Variants in SGMS1 observed in about 807,000 individuals in gnomAD.
SGMS1 encodes phosphatidylcholine:ceramide cholinephosphotransferase 1.
A neutral mutation model predicts 46.2 loss-of-function variants in SGMS1; 13 were observed. The observed-to-expected ratio is 0.28, with a 90% confidence interval of 0.18 to 0.45. SGMS1 has a LOEUF of 0.45. SGMS1 is among the 20% of genes least tolerant of loss of function. SGMS1 has a pLI of 1.00. For synonymous variants in SGMS1, 203 were observed against 187.8 expected (o/e 1.08, Z -0.66); for missense variants, 324 against 519.9 (o/e 0.62, Z 3.66).
chr10:50,612,213 C>T (rs1315320556), intron 1 of SGMS1, among the ~76,000 whole-genome samples: 1 of 152,262 alleles, frequency 6.6e-6, no homozygotes, highest in Non-Finnish European at 1.5e-5. Context: ...GGATCCTCCA[C>T]CCCTTAACCT....
At chr10:50,596,354 T>C (rs944278597) in intron 1 of SGMS1, among the ~76,000 whole-genome samples, 1 of 152,218 alleles carries the variant, frequency 6.6e-6, no homozygotes, top group Non-Finnish European at 1.5e-5. Flanking sequence ...TTTTTTGTAT[T>C]TTCAGTAGAG....
Position 50,548,464 on chromosome 10 carries a change from G to A in SGMS1, c.-588-28543C>T, listed in dbSNP as rs1010994263. Among the ~76,000 whole-genome samples, 3 of 152,182 alleles carry A rather than the reference G, an allele frequency of 2.0e-5. No individual in the cohort carries two copies. In the East Asian group the frequency reaches 5.8e-4, roughly 29 times the overall value. Reference sequence around the variant, plus strand: ...TGACAAAAACAAGCAATGGGGAAATGATTCCCTATTTAATAAATGGTGCTG... The same window carrying A: ...TGACAAAAACAAGCAATGGGGAAATAATTCCCTATTTAATAAATGGTGCTG... On this transcript the variant is annotated intron_variant, in intron 2 of 10. Transcript: ENST00000361781.
At chr10:50,563,246 G>T (rs1430621932) in intron 2 of SGMS1, among the ~76,000 whole-genome samples, 3 of 152,182 alleles carry the variant, frequency 2.0e-5, no homozygotes, top group African/African-American at 7.2e-5. Context: ...ATAGACAGGT[G>T]GGAAGGACGA....
At chr10:50,578,862 C>T (rs574877397) in intron 2 of SGMS1, among the ~76,000 whole-genome samples, 2 of 152,260 alleles carry the variant, frequency 1.3e-5, no homozygotes, top group African/African-American at 4.8e-5. Context: ...AAATGTTAAG[C>T]TTTTTAAAGC....
At chr10:50,488,162 C>A (rs1025746773) in intron 3 of SGMS1, among the ~76,000 whole-genome samples, 2 of 151,874 alleles carry the variant, frequency 1.3e-5, no homozygotes, top group East Asian at 3.9e-4. Context: ...TATAAGCGCC[C>A]GCCACCATGC....
At chr10:50,588,610 A>G (rs1465102715) in intron 2 of SGMS1, among the ~76,000 whole-genome samples, 1 of 152,166 alleles carries the variant, frequency 6.6e-6, no homozygotes, top group Non-Finnish European at 1.5e-5. Context: ...ATTAACCTAT[A>G]TAACATCAAC....
At chr10:50,457,087 T>C (rs1837201012) in intron 5 of SGMS1, among the ~76,000 whole-genome samples, 1 of 152,216 alleles carries the variant, frequency 6.6e-6, no homozygotes, top group South Asian at 2.1e-4. Context: ...GAGGATTAGG[T>C]TCACTAATAG....
intron 5 of SGMS1, among the ~76,000 whole-genome samples, chr10:50,446,624 G>T (rs1837018235): frequency 6.6e-6 from 1 of 152,106 alleles, no homozygotes; most frequent in Admixed American, 6.5e-5. Context: ...TAAAACACCA[G>T]CAAGTGGAGC....
At chr10:50,620,747 C>G (rs955724428) in intron 1 of SGMS1, among the ~76,000 whole-genome samples, 71 of 152,322 alleles carry the variant, frequency 4.7e-4, no homozygotes, top group African/African-American at 1.7e-3. Context: ...TGCAAACAAT[C>G]CAGAATTTTT....
intron 2 of SGMS1, among the ~76,000 whole-genome samples, chr10:50,525,398 C>T (rs1837892305): frequency 6.6e-6 from 1 of 152,120 alleles, no homozygotes; most frequent in Non-Finnish European, 1.5e-5. Flanking sequence ...TTCCAAATGC[C>T]ACCCAGACAG....
intron 6 of SGMS1, among the ~76,000 whole-genome samples, chr10:50,388,976 C>A (rs1250497433): frequency 6.6e-6 from 1 of 152,074 alleles, no homozygotes; most frequent in African/African-American, 2.4e-5. Context: ...GGGATTCTTA[C>A]TAAATGAGTA....
At chr10:50,622,244 C>T (rs1442988062) in intron 1 of SGMS1, among the ~76,000 whole-genome samples, 1 of 152,168 alleles carries the variant, frequency 6.6e-6, no homozygotes, top group Admixed American at 6.5e-5. Flanking sequence ...GGACGTTTCA[C>T]ACCCCGACCA....
Position 50,602,756 on chromosome 10 carries a change from G to C in SGMS1, c.-683-12509C>G, listed in dbSNP as rs139531023. On this transcript the variant is annotated intron_variant, in intron 1 of 10. Transcript: ENST00000361781. ...TGCATTTATTGTATTATTCTCAGTA[G>C]GTTCCTGAACATTTAAAATATTTTA... Among the ~76,000 whole-genome samples the C allele has an allele frequency of 3.7e-3, 556 of 152,242 alleles. 6 individuals are homozygous for C. The highest frequency in any genetic ancestry group is 0.012 in the African/African-American group (501 of 41,526).
At chr10:50,498,376 G>A (rs1169434673) in intron 3 of SGMS1, among the ~76,000 whole-genome samples, 1 of 151,940 alleles carries the variant, frequency 6.6e-6, no homozygotes, top group Non-Finnish European at 1.5e-5. Flanking sequence ...TAGTTTTATG[G>A]CTTTAAGTAC....
In SGMS1 at chr10:50,350,989, C is replaced by T. The variant is rs12569679; in HGVS notation, c.-231-6644G>A. Among the ~76,000 whole-genome samples the T allele has an allele frequency of 0.031, 4,662 of 152,076 alleles. 533 individuals carry two copies. The East Asian group carries it at 0.36, about 12-fold the overall frequency. On this transcript the variant is annotated intron_variant, in intron 6 of 10. Coordinates refer to ENST00000361781, the MANE Select transcript of SGMS1 (RefSeq NM_147156.4). Reference sequence around the variant, plus strand: ...TCTACTGGCAGTGTGCACCATGCACCTGGAAAAGCCACACTCAATGCCAGT... The same window carrying T: ...TCTACTGGCAGTGTGCACCATGCACTTGGAAAAGCCACACTCAATGCCAGT...
chr10:50,454,580 C>T (rs1484533804), intron 5 of SGMS1, among the ~76,000 whole-genome samples: 1 of 152,170 alleles, frequency 6.6e-6, no homozygotes, highest in African/African-American at 2.4e-5. Flanking sequence ...TCCAACTTCT[C>T]TCTCTTCAAC....
At chr10:50,607,071 T>A (rs982195926) in intron 1 of SGMS1, among the ~76,000 whole-genome samples, 1 of 151,824 alleles carries the variant, frequency 6.6e-6, no homozygotes, top group Non-Finnish European at 1.5e-5. Context: ...CTCAACTTCT[T>A]GGGCTTAGGT....
intron 8 of SGMS1, among the ~76,000 whole-genome samples, chr10:50,322,737 C>A (rs1354827057): frequency 6.8e-6 from 1 of 147,470 alleles, no homozygotes; most frequent in African/African-American, 2.5e-5. Flanking sequence ...GAGGCTGAGG[C>A]AGGAGAATGG....
intron 6 of SGMS1, among the ~76,000 whole-genome samples, chr10:50,407,612 C>T (rs1004098412): frequency 4.0e-5 from 6 of 151,742 alleles, no homozygotes; most frequent in African/African-American, 7.3e-5. Context: ...GTAACTTTAC[C>T]GCATTCCCCC....
Sources: allele counts gnomAD v4.1 joint callset (sites outside exome capture counted in the v4.1 genomes callset), GRCh38; gene constraint gnomAD v4.1.1; transcripts MANE v1.5; gene names NCBI Gene and HGNC (gene_info 2026-07-23, HGNC 2026-07-21).